Variants in SENP7 observed in about 807,000 individuals in gnomAD.
SENP7 encodes sentrin-specific protease 7.
SENP7 carries 64 observed loss-of-function variants against 141.2 expected under a neutral mutation model. The observed-to-expected ratio is 0.45, with a 90% CI of 0.37 to 0.56. SENP7 has a LOEUF of 0.56. SENP7 is among the 20% of genes least tolerant of loss of function. The probability of loss-of-function intolerance (pLI) is 0.00; values close to 1 mark genes in which losing one functional copy is unlikely to be tolerated. For synonymous variants in SENP7, 382 were observed against 426.4 expected, an observed-to-expected ratio of 0.90 and a Z score of 1.28; for missense variants, 1,025 against 1,212.2, an observed-to-expected ratio of 0.85 and a Z score of 2.29.
intron 4 of SENP7, chr3:101,457,323 A>G: frequency 7.0e-7 from 1 of 1,425,124 alleles, no homozygotes; most frequent in Middle Eastern, 2.4e-4. Context: ...CCCAGTAGCA[A>G]GTGGTGCTTT....
At chr3:101,432,705 G>A (rs941474454) in intron 4 of SENP7, among the ~76,000 whole-genome samples, 14 of 152,228 alleles carry the variant, frequency 9.2e-5, no homozygotes, top group African/African-American at 3.4e-4. Context: ...CTATGAGTCT[G>A]TAAGAATCAC....
intron 7 of SENP7, among the ~76,000 whole-genome samples, chr3:101,368,264 T>C (rs1181163426): frequency 1.3e-5 from 2 of 152,042 alleles, no homozygotes; most frequent in Non-Finnish European, 2.9e-5. Context: ...AGAAATATCC[T>C]TTTTCATAGT....
In SENP7 at chr3:101,432,602, T is replaced by C. The variant is rs569421542; in HGVS notation, c.285-14812A>G. 2.6e-5 allele frequency among the ~76,000 whole-genome samples: 4 copies of C among 152,296 alleles called. 1 individual carries two copies. Among genetic ancestry groups the C allele is most frequent in the African/African-American group, 9.6e-5 (4 of 41,558 alleles). ...GGTGGCTTGGAATAGAGACTGTATG[T>C]TTGGTAGAAAGTAAGGGAAAAGAAC... is the stretch of plus-strand genomic sequence containing the variant. On this transcript the variant is annotated intron_variant, in intron 4 of 23. Coordinates refer to ENST00000394095, the MANE Select transcript of SENP7 (RefSeq NM_020654.5).
intron 11 of SENP7, among the ~76,000 whole-genome samples, chr3:101,354,546 T>C (rs1017195442): frequency 6.6e-6 from 1 of 152,160 alleles, no homozygotes; most frequent in African/African-American, 2.4e-5. Context: ...CTAAGGATAA[T>C]AGCCTCCAGC....
At chr3:101,503,377 C>T (rs2065467879) in intron 1 of SENP7, among the ~76,000 whole-genome samples, 1 of 152,222 alleles carries the variant, frequency 6.6e-6, no homozygotes, top group African/African-American at 2.4e-5. Context: ...AACAATTACA[C>T]TTTTAGATAA....
At chr3:101,406,958 T>C (rs765959285) in intron 5 of SENP7, among the ~76,000 whole-genome samples, 12 of 152,232 alleles carry the variant, frequency 7.9e-5, no homozygotes, top group Admixed American at 3.9e-4. Context: ...GAATTTTGTA[T>C]GCAGCGAAAC....
At chr3:101,490,003 G>A (rs1280777779) in intron 3 of SENP7, among the ~76,000 whole-genome samples, 2 of 152,124 alleles carry the variant, frequency 1.3e-5, no homozygotes, top group Non-Finnish European at 2.9e-5. Context: ...TGACCAACAT[G>A]GATAAACCCC....
At chr3:101,331,802 T>C (rs909999405) in intron 19 of SENP7, among the ~76,000 whole-genome samples, 183 bp downstream of exon 19, 3 of 152,162 alleles carry the variant, frequency 2.0e-5, no homozygotes, top group Non-Finnish European at 4.4e-5. Context: ...AAACTTGATA[T>C]AACAGTACAA....
Position 101,328,553 on chromosome 3 carries a change from A to C in SENP7, c.2796-7T>G. 2 of 1,611,854 alleles carry C rather than the reference A, an allele frequency of 1.2e-6. No homozygotes were observed. The highest frequency in any genetic ancestry group is 2.2e-5 in the South Asian group (2 of 90,884). On this transcript the variant is annotated splice_region_variant and splice_polypyrimidine_tract_variant and intron_variant, in intron 21 of 23. Coordinates refer to ENST00000394095, the MANE Select transcript of SENP7 (RefSeq NM_020654.5). Reference sequence around the variant, plus strand: ...TAGTATAAGAATACATGGCCTATGAAAAGCAAAGGACAAAATCAAGATTTA... The same window carrying C: ...TAGTATAAGAATACATGGCCTATGACAAGCAAAGGACAAAATCAAGATTTA...
intron 3 of SENP7, among the ~76,000 whole-genome samples, chr3:101,478,522 C>T (rs2064316940): frequency 6.6e-6 from 1 of 152,058 alleles, no homozygotes; most frequent in Non-Finnish European, 1.5e-5. Flanking sequence ...AAGACCCTGT[C>T]ACTAAAGAAA....
At chr3:101,500,309 C>T (rs1383898435) in intron 2 of SENP7, among the ~76,000 whole-genome samples, 1 of 152,192 alleles carries the variant, frequency 6.6e-6, no homozygotes, top group Non-Finnish European at 1.5e-5. Flanking sequence ...AATCCCAACA[C>T]TTTGGGAGGC....
chr3:101,424,432 T>C (rs1164049262), intron 4 of SENP7, among the ~76,000 whole-genome samples: 1 of 151,214 alleles, frequency 6.6e-6, no homozygotes, highest in Non-Finnish European at 1.5e-5. Context: ...GTGAGTGCAG[T>C]CCACCCCGCT....
intron 15 of SENP7, 169 bp from the exon 16 acceptor site, chr3:101,340,380 C>G (rs2059298803): frequency 1.3e-6 from 1 of 793,948 alleles, no homozygotes; most frequent in Non-Finnish European, 1.9e-6. Context: ...TTTATCCTCA[C>G]AAGCTACTAA....
chr3:101,496,654 C>T (rs1246201744), intron 2 of SENP7, among the ~76,000 whole-genome samples: 1 of 149,988 alleles, frequency 6.7e-6, no homozygotes, highest in African/African-American at 2.4e-5. Flanking sequence ...CCTCAGCTAA[C>T]TGCAACCTCC....
intron 5 of SENP7, among the ~76,000 whole-genome samples, chr3:101,416,165 T>C (rs1425423396): frequency 6.6e-6 from 1 of 152,188 alleles, no homozygotes; most frequent in African/African-American, 2.4e-5. Context: ...CTGGACTAGC[T>C]GGTAGCTCAC....
chr3:101,364,682 TTCAC>T, intron 10 of SENP7, 148 bp downstream of exon 10: 8 of 499,520 alleles, frequency 1.6e-5, no homozygotes, highest in Non-Finnish European at 2.7e-5. Context: ...AACTACGTAT[TTCAC>T]TCAAACTACT....
intron 4 of SENP7, among the ~76,000 whole-genome samples, chr3:101,435,437 G>A (rs1003851196): frequency 1.3e-5 from 2 of 152,008 alleles, no homozygotes; most frequent in Non-Finnish European, 1.5e-5. Flanking sequence ...CCTAGCTAGA[G>A]CAATCAGATA....
At chr3:101,326,810 C>T (rs2058912400) in intron 23 of SENP7, among the ~76,000 whole-genome samples, 1 of 152,050 alleles carries the variant, frequency 6.6e-6, no homozygotes. Context: ...TGCTGGGACT[C>T]CAGTAACATG....
chr3:101,330,865 T>A (rs920627667), intron 19 of SENP7, among the ~76,000 whole-genome samples: 8 of 152,340 alleles, frequency 5.3e-5, no homozygotes, highest in African/African-American at 1.9e-4. Context: ...TGGCTATTTT[T>A]CAATCAGCTT....
Sources: gnomAD v4.1 joint callset for allele counts (sites outside exome capture counted in the v4.1 genomes callset) on GRCh38, gnomAD v4.1.1 for gene constraint, MANE v1.5 for transcripts, NCBI Gene and HGNC (gene_info 2026-07-23, HGNC 2026-07-21) for gene names.